Variants in HAVCR1 observed in about 807,000 individuals in gnomAD.
The protein encoded by HAVCR1 is T cell immunoglobin domain and mucin domain protein 1.
In HAVCR1, 34 loss-of-function variants were observed where a neutral mutation model predicts 32.0. The ratio of observed to expected loss-of-function variants is 1.06; its 90% CI spans 0.81 to 1.42. The LOEUF (loss-of-function observed/expected upper bound fraction) is 1.42. Among genes scored for constraint, HAVCR1 ranks in the 40% most tolerant of loss-of-function variants. The pLI is 0.00. For synonymous variants in HAVCR1, 178 were observed against 170.3 expected (o/e 1.05, Z -0.35); for missense variants, 420 against 442.3 (o/e 0.95, Z 0.45).
At position 157,042,259 on chromosome 5, in the gene HAVCR1, G is replaced by A. The variant is rs548772104; in HGVS notation, c.837+368C>T. Among the ~76,000 whole-genome samples the A allele has an allele frequency of 1.2e-4, 18 of 151,338 alleles. No homozygotes were observed. The East Asian group carries it at 2.0e-3, about 16-fold the overall frequency. On this transcript the variant is annotated intron_variant, in intron 6 of 8. Transcript: ENST00000523175. ...AGATCGAGACTATCCTGGCTAACAC[G>A]GTGAAACCCCGTCTCTACTAAAAAT...
chr5:157,067,985 C>A, the HAVCR1 span, among the ~76,000 whole-genome samples: 8 of 151,758 alleles, frequency 5.3e-5, no homozygotes, highest in Non-Finnish European at 1.0e-4. Context: ...GTGAGCAAGA[C>A]CCGTTCTCAA....
chr5:157,040,382 A>C (rs1364209478), intron 6 of HAVCR1, among the ~76,000 whole-genome samples: 1 of 152,228 alleles, frequency 6.6e-6, no homozygotes, highest in African/African-American at 2.4e-5. Context: ...GCCACACGTC[A>C]ACACATTGAA....
At chr5:157,031,008 G>GCT (rs70984426) in intron 8 of HAVCR1, among the ~76,000 whole-genome samples, 5 of 145,040 alleles carry the variant, frequency 3.4e-5, no homozygotes, top group African/African-American at 1.3e-4. Flanking sequence ...GTTAGTGTGG[G>GCT]TTTTTTTTTT....
intron 4 of HAVCR1, 42 bp from the exon 5 acceptor site, chr5:157,049,187 A>G: frequency 8.5e-7 from 1 of 1,183,262 alleles, no homozygotes; most frequent in Non-Finnish European, 1.3e-6. Context: ...TTTGTGGAGG[A>G]AAATGTGCAC....
rs1283491990 is a variant in HAVCR1 at position 157,055,427 on chromosome 5, T to A, written c.153A>T (p.Ser51=). ...CATTTTGGCATGTGAATAGAGAACATGAGCCTCTATTCCAGCACATGGATG... is the reference window on the plus strand; with the variant it reads ...CATTTTGGCATGTGAATAGAGAACAAGAGCCTCTATTCCAGCACATGGATG... ...AVTSMCWNRG[S]CSLFTCQNGI... Residue 51 remains serine, a synonymous_variant, in exon 3 of 9, where the codon TCA becomes TCT. Transcript: ENST00000523175. 1 of 1,607,638 alleles carries A rather than the reference T, an allele frequency of 6.2e-7. No individual in the cohort carries two copies. Among genetic ancestry groups the A allele is most frequent in the South Asian group, 1.1e-5 (1 of 90,952 alleles).
chr5:157,065,306 C>A, the HAVCR1 span, among the ~76,000 whole-genome samples: 148 of 142,892 alleles, frequency 1.0e-3, no homozygotes, highest in African/African-American at 1.8e-3. Flanking sequence ...GACTCCGCCT[C>A]AAAAAAAAAA....
rs140801641 is a variant in HAVCR1, at chr5:157,057,362, AAG to A, written c.46+534_46+535del. Among the ~76,000 whole-genome samples, 48 of 130,030 alleles carry A rather than the reference AAG, an allele frequency of 3.7e-4. 1 individual carries two copies. Among genetic ancestry groups the A allele is most frequent in the African/African-American group, 1.3e-3 (38 of 29,960 alleles). The allele number at this position is 130,030 out of a possible 152,430, so 85.3% of individuals were successfully genotyped here. Reference sequence around the variant, plus strand: ...CTGCACTCCAGAGTGAGACCTCATGAAGAGAGAGAGAGAGAGAGAGAGAGGAA... The same window carrying A: ...CTGCACTCCAGAGTGAGACCTCATGAAGAGAGAGAGAGAGAGAGAGAGGAA... On this transcript the variant is annotated intron_variant, in intron 2 of 8. Transcript: ENST00000523175.
intron 5 of HAVCR1, among the ~76,000 whole-genome samples, chr5:157,044,488 G>A (rs59916960): frequency 0.087 from 5,327 of 61,026 alleles, 516 homozygotes; most frequent in Admixed American, 0.11. Flanking sequence ...AGGAAGGAAG[G>A]AAGGAAGGAA....
intron 2 of HAVCR1, among the ~76,000 whole-genome samples, chr5:157,057,475 T>C (rs927876756): frequency 1.9e-4 from 28 of 148,318 alleles, no homozygotes; most frequent in Admixed American, 8.7e-4. Flanking sequence ...GAATTGAATG[T>C]GGCTGAAAAA....
the HAVCR1 span, among the ~76,000 whole-genome samples, chr5:157,066,605 C>A: frequency 1.1e-4 from 17 of 149,284 alleles, 1 homozygote; most frequent in South Asian, 3.6e-3. Flanking sequence ...GATCTGGAGA[C>A]AATCAAGGGG....
chr5:157,029,583 T>A lies in HAVCR1; in HGVS notation c.*150A>T. On this transcript the variant is annotated 3_prime_UTR_variant, in exon 9 of 9. Transcript: ENST00000523175. Reference sequence around the variant, plus strand: ...CTATACACAGTTTGGAGTGAGAGAGTTACTCTACCCAGTATCACTGACATG... The same window carrying A: ...CTATACACAGTTTGGAGTGAGAGAGATACTCTACCCAGTATCACTGACATG... The A allele has an allele frequency of 6.5e-7, 1 of 1,534,568 alleles. No individual in the cohort carries two copies. The highest frequency in any genetic ancestry group is 8.7e-7 in the Non-Finnish European group (1 of 1,143,556).
intron 6 of HAVCR1, among the ~76,000 whole-genome samples, chr5:157,040,289 ACT>A (rs1474658659): frequency 6.8e-6 from 1 of 146,736 alleles, no homozygotes; most frequent in Non-Finnish European, 1.5e-5. Context: ...CAAGAGTGAA[ACT>A]CTGTCTCAAA....
chr5:157,044,420 GGAGAAAGAAAGAAA>G (rs1360417356), intron 5 of HAVCR1, among the ~76,000 whole-genome samples: 3 of 32,290 alleles, frequency 9.3e-5, no homozygotes, highest in African/African-American at 5.8e-4. Flanking sequence ...AAGGAAGGAA[GGAGAAAGAAAGAAA>G]GAAAGAAAGA....
rs115124184 is a variant in HAVCR1, at chr5:157,049,318, G to A, written c.674-173C>T. 9.5e-3 allele frequency among the ~76,000 whole-genome samples: 1,448 copies of A among 152,224 alleles called. 21 individuals carry two copies. Among genetic ancestry groups the A allele is most frequent in the African/African-American group, 0.032 (1,310 of 41,530 alleles). On this transcript the variant is annotated intron_variant, in intron 4 of 8. Transcript: ENST00000523175. ...CTACCGACCCACTTCTGAACCTTTCGGCTCCTCTTAGAAATGTATTCAAAG... is the reference window on the plus strand; with the variant it reads ...CTACCGACCCACTTCTGAACCTTTCAGCTCCTCTTAGAAATGTATTCAAAG...
the HAVCR1 span, among the ~76,000 whole-genome samples, chr5:157,066,121 A>G: frequency 2.0e-5 from 3 of 151,608 alleles, no homozygotes; most frequent in Admixed American, 1.3e-4. Context: ...AAGCAGCCCA[A>G]GGAGGTAAGA....
chr5:157,034,145 C>T lies in HAVCR1; in HGVS notation c.953-1258G>A, dbSNP rs190463639. ...CGGCGCTCAGCATACGGAGGACCCACGCCGGCACTTGTCTCTGAGTTCCCT... is the reference window on the plus strand; with the variant it reads ...CGGCGCTCAGCATACGGAGGACCCATGCCGGCACTTGTCTCTGAGTTCCCT... On this transcript the variant is annotated intron_variant, in intron 7 of 8. Transcript: ENST00000523175. Among the ~76,000 whole-genome samples the T allele has an allele frequency of 2.4e-3, 364 of 152,220 alleles. 3 individuals carry two copies. Among genetic ancestry groups the T allele is most frequent in the African/African-American group, 8.4e-3 (349 of 41,530 alleles).
chr5:157,053,157 T>A (rs1410787782), intron 3 of HAVCR1, among the ~76,000 whole-genome samples: 1 of 150,694 alleles, frequency 6.6e-6, no homozygotes, highest in Non-Finnish European at 1.5e-5. Flanking sequence ...GGGGCCAAGG[T>A]GGGTGGACTA....
intron 4 of HAVCR1, among the ~76,000 whole-genome samples, chr5:157,050,415 T>C (rs1193370506): frequency 6.6e-6 from 1 of 152,224 alleles, no homozygotes; most frequent in Admixed American, 6.5e-5. Context: ...AAGCAGGTAC[T>C]AGGGGCACTG....
chr5:157,038,415 C>T (rs549249453), intron 6 of HAVCR1, among the ~76,000 whole-genome samples: 41 of 152,308 alleles, frequency 2.7e-4, no homozygotes, highest in African/African-American at 9.9e-4. Context: ...CAAATCTTCT[C>T]ATTTGTAAAA....
Sources: gnomAD v4.1 joint callset for allele counts (sites outside exome capture counted in the v4.1 genomes callset) on GRCh38, gnomAD v4.1.1 for gene constraint, MANE v1.5 for transcripts, NCBI Gene and HGNC (gene_info 2026-07-23, HGNC 2026-07-21) for gene names.